The following TUBGCP3 variants were observed in gnomAD, a reference collection of about 807,000 sequenced individuals.
TUBGCP3 encodes the protein gamma-tubulin complex component 3.
In TUBGCP3, 50 loss-of-function variants were observed where a neutral mutation model predicts 123.1. The ratio of observed to expected loss-of-function variants is 0.41; its 90% confidence interval spans 0.32 to 0.51. TUBGCP3 has a LOEUF of 0.51. TUBGCP3 is among the 20% of genes least tolerant of loss of function. The pLI, the probability that TUBGCP3 is intolerant of heterozygous loss-of-function variation, is 0.36. For synonymous variants in TUBGCP3, 405 were observed against 413.9 expected (o/e 0.98, Z 0.26); for missense variants, 882 against 1,127.0 (o/e 0.78, Z 3.11).
In TUBGCP3 at chr13:112,508,496, C is replaced by T. The variant is rs148715399; in HGVS notation, c.2087-3782G>A. 3.5e-4 allele frequency among the ~76,000 whole-genome samples: 53 copies of T among 152,254 alleles called. No homozygotes were observed. Among genetic ancestry groups the T allele is most frequent in the African/African-American group, 1.3e-3 (52 of 41,532 alleles). The stretch of plus-strand genomic sequence containing the variant: ...CAGGTCTACAGCCCCCACCCCAACC[C>T]CATCTTCCTCCTAGCCACGGCACCC... On this transcript the variant is annotated intron_variant, in intron 17 of 21. Transcript: ENST00000261965. The surrounding 1 kb of genome is among the most constrained non-coding windows in gnomAD (Gnocchi z 4.2).
chr13:112,566,488 C>T (rs932764331), intron 2 of TUBGCP3, among the ~76,000 whole-genome samples: 1 of 152,118 alleles, frequency 6.6e-6, no homozygotes, highest in Non-Finnish European at 1.5e-5. Flanking sequence ...GAAGCACATA[C>T]CAGAGATTAC....
Position 112,586,075 on chromosome 13 carries a change from T to TA in TUBGCP3, c.76+1829dup, listed in dbSNP as rs573375223. ...TAACACAGTGAAACCCCGTCTCTAC[T>TA]AAAAATACAAAAAATGAGCCAGGCG... is the stretch of plus-strand genomic sequence containing the variant. On this transcript the variant is annotated intron_variant, in intron 1 of 21. Coordinates refer to ENST00000261965, the MANE Select transcript of TUBGCP3 (RefSeq NM_006322.6). Among the ~76,000 whole-genome samples the TA allele has an allele frequency of 4.6e-3, 698 of 151,822 alleles. 6 individuals carry two copies. The highest frequency in any genetic ancestry group is 0.016 in the African/African-American group (665 of 41,394).
chr13:112,514,580 T>C (rs1875918840), intron 17 of TUBGCP3, among the ~76,000 whole-genome samples: 1 of 152,222 alleles, frequency 6.6e-6, no homozygotes, highest in African/African-American at 2.4e-5. Context: ...CACCTATGAA[T>C]TGACAATTTA....
At chr13:112,549,989 CAAAAAAAAAAAAAA>C (rs750596642) in intron 8 of TUBGCP3, among the ~76,000 whole-genome samples, 5 of 40,202 alleles carry the variant, frequency 1.2e-4, no homozygotes, top group Non-Finnish European at 1.7e-4. Context: ...GACTCCATCT[CAAAAAAAAAAAAAA>C]AAAAAAAAAA....
intron 18 of TUBGCP3, 96 bp downstream of exon 18, chr13:112,504,530 A>G: frequency 1.2e-6 from 1 of 856,576 alleles, no homozygotes; most frequent in Admixed American, 3.1e-5. Flanking sequence ...ACACATATAT[A>G]TACACACATA....
At chr13:112,489,907 G>A (rs1488223737) in intron 20 of TUBGCP3, 5 of 569,408 alleles carry the variant, frequency 8.8e-6, no homozygotes, top group Non-Finnish European at 1.6e-5. Context: ...TATTTCATAT[G>A]AACACATTTG....
chr13:112,485,898 C>T lies in TUBGCP3; in HGVS notation c.*95G>A. On this transcript the variant is annotated 3_prime_UTR_variant, in exon 22 of 22. Coordinates refer to ENST00000261965, the MANE Select transcript of TUBGCP3 (RefSeq NM_006322.6). The stretch of plus-strand genomic sequence containing the variant: ...CACTCGTGGGCGGAAGGGCAGGACA[C>T]CTGCAGCATGCAGTTCCTGCAGGAC... The T allele has an allele frequency of 1.0e-6, 1 of 979,958 alleles. No individual in the cohort carries two copies. The highest frequency in any genetic ancestry group is 1.7e-5 in the South Asian group (1 of 59,782). 60.7% of individuals were successfully genotyped at this position (979,958 alleles called of 1,614,324 possible).
chr13:112,594,420 C>A, the TUBGCP3 span, among the ~76,000 whole-genome samples: 4 of 152,094 alleles, frequency 2.6e-5, no homozygotes, highest in Non-Finnish European at 4.4e-5. Context: ...CAAAACCAAC[C>A]CTTTCATAAT....
intron 8 of TUBGCP3, among the ~76,000 whole-genome samples, chr13:112,550,949 A>G (rs1015502631): frequency 2.0e-5 from 3 of 152,142 alleles, no homozygotes; most frequent in African/African-American, 4.8e-5. Flanking sequence ...ATACAAAAAA[A>G]TTAGCCGGGC....
chr13:112,578,577 A>AAAAAAAAAAAAG lies in TUBGCP3; in HGVS notation c.77-9319_77-9318insCTTTTTTTTTTT, dbSNP rs1882036778. Reference sequence around the variant, plus strand: ...CCGTCTCAAAAAAAAAAAAAAAAAAAAAAAAAAAAGAACCTGCTCTCCATT... The same window carrying AAAAAAAAAAAAG: ...CCGTCTCAAAAAAAAAAAAAAAAAAAAAAAAAAAAAAGAAAAAAAAAGAACCTGCTCTCCATT... On this transcript the variant is annotated intron_variant, in intron 1 of 21. Transcript: ENST00000261965. Among the ~76,000 whole-genome samples the AAAAAAAAAAAAG allele has an allele frequency of 1.3e-5, 2 of 148,624 alleles. 1 individual carries two copies. Among genetic ancestry groups the AAAAAAAAAAAAG allele is most frequent in the African/African-American group, 5.0e-5 (2 of 40,136 alleles).
chr13:112,554,949 C>T lies in TUBGCP3; in HGVS notation c.778G>A (p.Gly260Ser), dbSNP rs768856325. Reference sequence around the variant, plus strand: ...ATTTTGATGTTTTTGCCATCTATGCCCTGAAAGACGTACAAAATGTCCCTT... The same window carrying T: ...ATTTTGATGTTTTTGCCATCTATGCTCTGAAAGACGTACAAAATGTCCCTT... The part of the protein sequence containing the change: ...LVRDILYVFQ[G>S]IDGKNIKMNN... Residue 260 changes from glycine to serine, a missense_variant, in exon 7 of 22, where the codon GGC becomes AGC. Physicochemically the swap from Gly to Ser is moderately conservative, Grantham distance 56 (BLOSUM62 0). This residue lies in a region of TUBGCP3 where 713 missense variants were observed against 874.0 expected (regional missense o/e 0.82). Transcript: ENST00000261965. 3.7e-6 allele frequency: 6 copies of T among 1,612,708 alleles called. No homozygotes were observed. In the East Asian group the frequency reaches 1.1e-4, roughly 30 times the overall value.
chr13:112,527,114 A>G, intron 12 of TUBGCP3, 64 bp from the exon 13 acceptor site: 1 of 1,366,984 alleles, frequency 7.3e-7, no homozygotes, highest in Non-Finnish European at 1.0e-6. Context: ...CAAATCTACA[A>G]ATATTCGTAA....
intron 19 of TUBGCP3, among the ~76,000 whole-genome samples, chr13:112,503,277 A>G (rs1000618994): frequency 6.6e-6 from 1 of 152,242 alleles, no homozygotes; most frequent in East Asian, 1.9e-4. Context: ...GATTTGCCAC[A>G]TGGAACGTGC....
chr13:112,577,612 CTTGA>C (rs934724693), intron 1 of TUBGCP3, among the ~76,000 whole-genome samples: 13 of 152,098 alleles, frequency 8.5e-5, no homozygotes, highest in Non-Finnish European at 1.6e-4. Context: ...AACTATGGAG[CTTGA>C]TTAATACTAG....
intron 17 of TUBGCP3, among the ~76,000 whole-genome samples, chr13:112,515,363 G>A (rs895977992): frequency 2.0e-5 from 3 of 152,166 alleles, no homozygotes; most frequent in Admixed American, 6.5e-5. Context: ...GGGGCAGCCA[G>A]GAACCGATCT....
At chr13:112,551,561 C>T (rs1879589511) in intron 8 of TUBGCP3, among the ~76,000 whole-genome samples, 1 of 152,162 alleles carries the variant, frequency 6.6e-6, no homozygotes, top group African/African-American at 2.4e-5. Flanking sequence ...CAAGCAATGA[C>T]TCCAAACAGC....
chr13:112,560,025 T>G (rs138045786), intron 3 of TUBGCP3, among the ~76,000 whole-genome samples: 457 of 151,344 alleles, frequency 3.0e-3, no homozygotes, highest in African/African-American at 0.01. Flanking sequence ...TCCCAGCTAC[T>G]CGGGAGGCTG....
In TUBGCP3 at chr13:112,488,933, G is replaced by T. The variant is rs1260428837; in HGVS notation, c.2565+648C>A. 3.2e-5 allele frequency among the ~76,000 whole-genome samples: 4 copies of T among 125,088 alleles called. No homozygotes were observed. In the East Asian group the frequency reaches 1.0e-3, roughly 32 times the overall value. 82.1% of individuals were successfully genotyped at this position (125,088 alleles called of 152,430 possible). ...CCCACACCCACCACAGGGGAGCACA[G>T]GGGTCACCCCCAGGTCCCCACACCC... On this transcript the variant is annotated intron_variant, in intron 21 of 21. Transcript: ENST00000261965.
chr13:112,585,405 A>ATCCT (rs1882538515), intron 1 of TUBGCP3, among the ~76,000 whole-genome samples: 1 of 152,236 alleles, frequency 6.6e-6, no homozygotes. Flanking sequence ...ATGCTTGACA[A>ATCCT]TCCTAGCTAT....
Sources: allele counts gnomAD v4.1 joint callset (sites outside exome capture counted in the v4.1 genomes callset), GRCh38; gene constraint gnomAD v4.1.1; regional missense constraint gnomAD v4.1.1; non-coding constraint Gnocchi (gnomAD v3.1); transcripts MANE v1.5; gene names NCBI Gene and HGNC (gene_info 2026-07-23, HGNC 2026-07-21).